Variants in LDLRAD3 observed in about 807,000 individuals in gnomAD.
LDLRAD3 encodes low density lipoprotein receptor class A domain containing 3.
In LDLRAD3, 20 loss-of-function variants were observed where a neutral mutation model predicts 29.4. The observed-to-expected ratio is 0.68, with a 90% CI of 0.48 to 0.99. The LOEUF (loss-of-function observed/expected upper bound fraction) is 0.99. LDLRAD3 is among the 50% of genes least tolerant of loss of function. The pLI, the probability that LDLRAD3 is intolerant of heterozygous loss-of-function variation, is 0.00. For synonymous variants in LDLRAD3, 157 were observed against 192.7 expected, an observed-to-expected ratio of 0.81 and a Z score of 1.53; for missense variants, 420 against 454.3, an observed-to-expected ratio of 0.92 and a Z score of 0.69.
intron 1 of LDLRAD3, among the ~76,000 whole-genome samples, chr11:35,957,419 G>T (rs1365081328): frequency 6.6e-6 from 1 of 152,212 alleles, no homozygotes; most frequent in Non-Finnish European, 1.5e-5. Context: ...ATATGTAGGA[G>T]ATGACATTAC....
chr11:36,197,091 G>GA (rs887624516), intron 4 of LDLRAD3: 2 of 152,188 alleles, frequency 1.3e-5, no homozygotes, highest in African/African-American at 4.8e-5. Flanking sequence ...TCTGCATTCA[G>GA]AAAAATTAAA....
chr11:35,948,027 C>A (rs117348846), intron 1 of LDLRAD3, among the ~76,000 whole-genome samples: 1 of 152,264 alleles, frequency 6.6e-6, no homozygotes, highest in East Asian at 1.9e-4. Flanking sequence ...CAGACTAACT[C>A]TGGTCCTTTT....
At chr11:36,098,707 A>T (rs1193443020) in intron 4 of LDLRAD3, among the ~76,000 whole-genome samples, 1 of 152,180 alleles carries the variant, frequency 6.6e-6, no homozygotes, top group Non-Finnish European at 1.5e-5. Context: ...TTTCTCTTCA[A>T]AACTGTAATA....
chr11:36,217,991 C>T (rs1855375723), intron 4 of LDLRAD3, among the ~76,000 whole-genome samples: 2 of 152,156 alleles, frequency 1.3e-5, no homozygotes, highest in African/African-American at 4.8e-5. Flanking sequence ...AGGTCACATT[C>T]TGAGGTTCTG....
chr11:36,134,848 T>C (rs1853981141), intron 4 of LDLRAD3, among the ~76,000 whole-genome samples: 1 of 152,158 alleles, frequency 6.6e-6, no homozygotes. Flanking sequence ...TGGTGGTGGG[T>C]GCTGCCGGCT....
Position 36,229,628 on chromosome 11 carries a change from T to TTAATGATTC in LDLRAD3, c.*231_*232insTAATGATTC. On this transcript the variant is annotated 3_prime_UTR_variant, in exon 6 of 6. Coordinates refer to ENST00000315571, the MANE Select transcript of LDLRAD3 (RefSeq NM_174902.4). ...CTTTTCTGTCAGGTCACTCTTCCCT[T>TTAATGATTC]GGGACCCGAGATCACACCCTCATTT... The TTAATGATTC allele has an allele frequency of 4.2e-6, 2 of 474,284 alleles. No individual in the cohort carries two copies. Among genetic ancestry groups the TTAATGATTC allele is most frequent in the Non-Finnish European group, 7.5e-6 (2 of 267,398 alleles). 29.4% of individuals were successfully genotyped at this position (474,284 alleles called of 1,614,324 possible). A position where few individuals can be genotyped will look rare whatever the true frequency, so the allele number is the denominator to read the frequency against.
chr11:35,962,490 T>C (rs1379998966), intron 1 of LDLRAD3, among the ~76,000 whole-genome samples: 1 of 152,170 alleles, frequency 6.6e-6, no homozygotes, highest in African/African-American at 2.4e-5. Context: ...GATGATCATT[T>C]TCCATATGTT....
intron 4 of LDLRAD3, among the ~76,000 whole-genome samples, chr11:36,174,777 C>A (rs577633953): frequency 8.5e-5 from 13 of 152,186 alleles, no homozygotes; most frequent in Non-Finnish European, 1.9e-4. Flanking sequence ...GTCAGGAGAT[C>A]GAGACCATCC....
chr11:35,988,882 C>T (rs1851652419), intron 1 of LDLRAD3: 1 of 151,098 alleles, frequency 6.6e-6, no homozygotes, highest in Non-Finnish European at 1.5e-5. Flanking sequence ...CATGCCTGGC[C>T]AGGTCCCACT....
chr11:36,211,904 G>T (rs1411615226), intron 4 of LDLRAD3, among the ~76,000 whole-genome samples: 1 of 152,158 alleles, frequency 6.6e-6, no homozygotes, highest in African/African-American at 2.4e-5. Context: ...TCTGGCTGCT[G>T]ACTCGGCAGG....
intron 4 of LDLRAD3, among the ~76,000 whole-genome samples, chr11:36,176,950 T>C (rs1854687845): frequency 6.6e-6 from 1 of 152,298 alleles, no homozygotes; most frequent in African/African-American, 2.4e-5. Context: ...GAATACCAAT[T>C]ACTCTTAGGT....
chr11:36,196,006 G>A (rs1482198879), intron 4 of LDLRAD3, among the ~76,000 whole-genome samples: 1 of 146,138 alleles, frequency 6.8e-6, no homozygotes, highest in Non-Finnish European at 1.5e-5. Context: ...CCAACTTTTT[G>A]CCAAAATGCC....
At chr11:35,980,966 G>A (rs1225462501) in intron 1 of LDLRAD3, among the ~76,000 whole-genome samples, 2 of 152,104 alleles carry the variant, frequency 1.3e-5, no homozygotes, top group Non-Finnish European at 2.9e-5. Context: ...AGCTATTATT[G>A]GGGACCCTCG....
chr11:36,221,179 C>T lies in LDLRAD3; in HGVS notation c.455-5906C>T, dbSNP rs557186270. Among the ~76,000 whole-genome samples, 6 of 152,132 alleles carry T rather than the reference C, an allele frequency of 3.9e-5. No individual in the cohort carries two copies. The Middle Eastern group carries it at 0.014, about 345-fold the overall frequency. On this transcript the variant is annotated intron_variant, in intron 4 of 5. Transcript: ENST00000315571. ...CCTGGCCATCATAGTGAAACCCCAT[C>T]TCTACTAAGTATATAAAATTAGCCA... is the stretch of plus-strand genomic sequence containing the variant.
intron 4 of LDLRAD3, among the ~76,000 whole-genome samples, chr11:36,161,733 T>TA (rs1854443342): frequency 1.3e-5 from 2 of 152,218 alleles, no homozygotes; most frequent in Admixed American, 1.3e-4. Context: ...ATTTTGCCAC[T>TA]AAATTTAGCC....
At chr11:36,093,510 G>A (rs112160003) in intron 3 of LDLRAD3, among the ~76,000 whole-genome samples, 2,976 of 151,750 alleles carry the variant, frequency 0.02, 37 homozygotes, top group Non-Finnish European at 0.029. Flanking sequence ...TCATATTAAC[G>A]TAATATAGTA....
chr11:35,985,249 G>T (rs1042857971), intron 1 of LDLRAD3, among the ~76,000 whole-genome samples: 15 of 152,172 alleles, frequency 9.9e-5, no homozygotes, highest in African/African-American at 2.9e-4. Context: ...TTCTTGACTT[G>T]GTGCTTCCTG....
intron 1 of LDLRAD3, among the ~76,000 whole-genome samples, chr11:36,018,919 T>C (rs1243026638): frequency 2.0e-5 from 3 of 152,232 alleles, no homozygotes; most frequent in Admixed American, 6.5e-5. Flanking sequence ...TCTTGGTTTG[T>C]TTGCAGTTCT....
chr11:36,170,904 C>A (rs1259080841), intron 4 of LDLRAD3, among the ~76,000 whole-genome samples: 2 of 151,396 alleles, frequency 1.3e-5, no homozygotes, highest in Non-Finnish European at 2.9e-5. Flanking sequence ...TGAGTTGAAG[C>A]GATTCTCCTG....
Sources: allele counts gnomAD v4.1 joint callset (sites outside exome capture counted in the v4.1 genomes callset), GRCh38; gene constraint gnomAD v4.1.1; transcripts MANE v1.5; gene names NCBI Gene and HGNC (gene_info 2026-07-23, HGNC 2026-07-21).